The following NPAS3 variants were observed in gnomAD, a reference collection of about 807,000 sequenced individuals.
NPAS3 encodes the protein neuronal PAS domain-containing protein 3.
Under a neutral mutation model 73.1 loss-of-function variants are expected in NPAS3, and 14 were observed. The observed-to-expected ratio is 0.19, with a 90% CI of 0.13 to 0.30. NPAS3 has a LOEUF of 0.30. NPAS3 is among the 10% of genes least tolerant of loss of function. The pLI, the probability that NPAS3 is intolerant of heterozygous loss-of-function variation, is 1.00. For missense variants in NPAS3, 1,096 were observed against 1,250.0 expected (o/e 0.88, Z 1.86); for synonymous variants, 620 against 541.5 (o/e 1.14, Z -2.01).
At chr14:33,241,345 T>C (rs1351192756) in intron 3 of NPAS3, among the ~76,000 whole-genome samples, 1 of 151,972 alleles carries the variant, frequency 6.6e-6, no homozygotes, top group Non-Finnish European at 1.5e-5. Context: ...TTTTGCAGTA[T>C]TGGCACAAGG....
At chr14:33,757,898 A>C (rs1382896207) in intron 7 of NPAS3, among the ~76,000 whole-genome samples, 1 of 152,154 alleles carries the variant, frequency 6.6e-6, no homozygotes, top group African/African-American at 2.4e-5. Flanking sequence ...TCACCTTTTC[A>C]TTACAGCCCT....
chr14:33,513,388 T>G (rs1356525350), intron 4 of NPAS3, among the ~76,000 whole-genome samples: 1 of 152,040 alleles, frequency 6.6e-6, no homozygotes, highest in Non-Finnish European at 1.5e-5. Context: ...ATAATAAAAG[T>G]GATGATTTAT....
chr14:33,664,494 G>A (rs2075801187), intron 5 of NPAS3, among the ~76,000 whole-genome samples: 1 of 152,120 alleles, frequency 6.6e-6, no homozygotes, highest in Non-Finnish European at 1.5e-5. Context: ...AAAAGCAATG[G>A]CAACAAGAGC....
In NPAS3 at chr14:32,967,771, T is replaced by C. The variant is rs554965726; in HGVS notation, c.50+28405T>C. Among the ~76,000 whole-genome samples the C allele has an allele frequency of 4.2e-3, 618 of 147,416 alleles. 2 individuals are homozygous for C. The highest frequency in any genetic ancestry group is 0.015 in the African/African-American group (599 of 40,376). ...TACAGCCATTATGGACAACAGCATG[T>C]GGGGGGGGGTCCTAAAAAATAAAAA... On this transcript the variant is annotated intron_variant, in intron 1 of 11. Coordinates refer to ENST00000356141, the Ensembl canonical transcript of NPAS3.
intron 2 of NPAS3, among the ~76,000 whole-genome samples, chr14:33,127,551 C>A (rs1262954932): frequency 6.6e-6 from 1 of 152,046 alleles, no homozygotes; most frequent in Non-Finnish European, 1.5e-5. Flanking sequence ...ACAAGCCATG[C>A]TGCAAAAAGG....
chr14:32,940,598 G>A (rs1388655198), intron 1 of NPAS3, among the ~76,000 whole-genome samples: 11 of 152,188 alleles, frequency 7.2e-5, no homozygotes, highest in Non-Finnish European at 1.6e-4. Flanking sequence ...ACCCCCACCC[G>A]CAGCAGGCGC....
rs531188489 is a variant in NPAS3 at position 32,944,707 on chromosome 14, C to T, written c.50+5341C>T. Among the ~76,000 whole-genome samples the T allele has an allele frequency of 5.3e-5, 8 of 152,238 alleles. No individual in the cohort carries two copies. The South Asian group carries it at 1.7e-3, about 32-fold the overall frequency. ...AGAATGTGTAGTAATATTAGTAATA[C>T]TACAATGCATAAACAGGACATGGCT... On this transcript the variant is annotated intron_variant, in intron 1 of 11. Transcript: ENST00000356141.
At chr14:33,657,068 A>G (rs761183410) in intron 5 of NPAS3, among the ~76,000 whole-genome samples, 2 of 152,226 alleles carry the variant, frequency 1.3e-5, no homozygotes, top group African/African-American at 2.4e-5. Flanking sequence ...TTGTAATGCC[A>G]ATGAACATGG....
rs143440583 is a variant in NPAS3, at chr14:33,304,034, A to C, written c.386-63152A>C. 8.8e-4 allele frequency among the ~76,000 whole-genome samples: 134 copies of C among 152,294 alleles called. 1 individual carries two copies. The highest frequency in any genetic ancestry group is 3.1e-3 in the African/African-American group (130 of 41,580). On this transcript the variant is annotated intron_variant, in intron 3 of 11. Coordinates refer to ENST00000356141, the Ensembl canonical transcript of NPAS3. ...GCCATTCTCCTGCCTCAGCCTCCCAAGTAGCTGGGACTACAGGTGCCCGCA... is the reference window on the plus strand; with the variant it reads ...GCCATTCTCCTGCCTCAGCCTCCCACGTAGCTGGGACTACAGGTGCCCGCA...
intron 4 of NPAS3, among the ~76,000 whole-genome samples, chr14:33,412,866 C>T (rs1489670264): frequency 2.6e-5 from 4 of 152,110 alleles, no homozygotes; most frequent in African/African-American, 9.7e-5. Flanking sequence ...TATTTAAAAC[C>T]TACTATATGC....
intron 4 of NPAS3, among the ~76,000 whole-genome samples, chr14:33,512,413 A>G (rs1053572990): frequency 6.6e-6 from 1 of 152,018 alleles, no homozygotes; most frequent in Non-Finnish European, 1.5e-5. Context: ...TTTGATCTGA[A>G]ACAAGAAGAA....
At chr14:33,507,964 TC>T (rs1294280881) in intron 4 of NPAS3, among the ~76,000 whole-genome samples, 1 of 151,798 alleles carries the variant, frequency 6.6e-6, no homozygotes, top group African/African-American at 2.4e-5. Flanking sequence ...TCCTTCCTAC[TC>T]CCCCTACCCT....
At chr14:33,359,099 A>G (rs1334524027) in intron 3 of NPAS3, among the ~76,000 whole-genome samples, 1 of 152,194 alleles carries the variant, frequency 6.6e-6, no homozygotes, top group African/African-American at 2.4e-5. Context: ...GATGTGGCCC[A>G]AAAGCTAAGG....
chr14:33,137,552 C>T (rs1595527431), intron 2 of NPAS3, among the ~76,000 whole-genome samples: 2 of 152,194 alleles, frequency 1.3e-5, no homozygotes, highest in African/African-American at 4.8e-5. Context: ...TGTGTGAGTA[C>T]AAATGGGTAC....
chr14:33,227,746 A>G (rs1185626999), intron 3 of NPAS3, among the ~76,000 whole-genome samples: 1 of 152,186 alleles, frequency 6.6e-6, no homozygotes, highest in Non-Finnish European at 1.5e-5. Context: ...TTAGGAGGGG[A>G]CACAAACATT....
chr14:33,067,337 C>T (rs942157607), intron 2 of NPAS3, among the ~76,000 whole-genome samples: 2 of 152,238 alleles, frequency 1.3e-5, no homozygotes, highest in African/African-American at 4.8e-5. Flanking sequence ...TTAAAGAACA[C>T]ACAACCAGTG....
chr14:33,791,344 A>G (rs1032840826), intron 9 of NPAS3, among the ~76,000 whole-genome samples: 1 of 152,042 alleles, frequency 6.6e-6, no homozygotes, highest in Admixed American at 6.6e-5. Flanking sequence ...TGCCCCTCTC[A>G]TATTTAGCTC....
intron 1 of NPAS3, among the ~76,000 whole-genome samples, chr14:32,989,919 G>T (rs1423266989): frequency 6.6e-6 from 1 of 152,136 alleles, no homozygotes; most frequent in African/African-American, 2.4e-5. Flanking sequence ...GCAAGACTTG[G>T]TGCCCCCATT....
intron 5 of NPAS3, among the ~76,000 whole-genome samples, chr14:33,653,705 G>T (rs1332877812): frequency 6.6e-6 from 1 of 152,200 alleles, no homozygotes; most frequent in Non-Finnish European, 1.5e-5. Flanking sequence ...AGGTCAAACA[G>T]GTAGCAAATA....
Sources: gnomAD v4.1 joint callset for allele counts (sites outside exome capture counted in the v4.1 genomes callset) on GRCh38, gnomAD v4.1.1 for gene constraint, MANE v1.5 for transcripts, NCBI Gene and HGNC (gene_info 2026-07-23, HGNC 2026-07-21) for gene names.